Variants in ARID1B observed in about 807,000 individuals in gnomAD.
ARID1B encodes the protein AT-rich interactive domain-containing protein 1B.
In ARID1B, 30 loss-of-function variants were observed where a neutral mutation model predicts 212.3. That is an observed-to-expected ratio of 0.14 (90% CI 0.11 to 0.19). The LOEUF (loss-of-function observed/expected upper bound fraction) is 0.19, where lower values mean the gene tolerates loss of function less well. Among genes scored for constraint, ARID1B ranks in the 10% least tolerant of loss-of-function variants. The pLI is 1.00. For missense variants in ARID1B, 2,891 were observed against 3,204.0 expected (o/e 0.90, Z 2.36); for synonymous variants, 1,402 against 1,301.7 (o/e 1.08, Z -1.66).
intron 4 of ARID1B, among the ~76,000 whole-genome samples, chr6:157,050,018 A>C (rs1245440238): frequency 6.6e-6 from 1 of 152,178 alleles, no homozygotes; most frequent in African/African-American, 2.4e-5. Flanking sequence ...TCCAAGGAGT[A>C]AGGGACCCCT....
At position 157,148,829 on chromosome 6, in the gene ARID1B, T is replaced by C; in HGVS notation, c.2967T>C (p.Ser989=). ...FPGNMSSMTP[S]SPGMSQQGGP... is the part of the protein sequence containing the mutation. ...GAAATATGAGCAGCATGACCCCCAG[T>C]TCTCCTGGCATGTCTCAGCAGGGAG... Residue 989 remains serine (S), a synonymous_variant, in exon 8 of 20, where the codon AGT becomes AGC. Coordinates refer to ENST00000636930, the MANE Select transcript of ARID1B (RefSeq NM_001374828.1). The surrounding 1 kb of genome is among the most constrained non-coding windows in gnomAD (Gnocchi z 5.6). The C allele has an allele frequency of 6.2e-7, 1 of 1,612,996 alleles. No individual in the cohort carries two copies. Among genetic ancestry groups the C allele is most frequent in the Non-Finnish European group, 8.5e-7 (1 of 1,179,910 alleles).
At chr6:157,017,899 A>G (rs1779998287) in intron 4 of ARID1B, among the ~76,000 whole-genome samples, 1 of 151,090 alleles carries the variant, frequency 6.6e-6, no homozygotes, top group Non-Finnish European at 1.5e-5. Flanking sequence ...GCTGAGGCAG[A>G]CAGAAGGATT....
intron 3 of ARID1B, among the ~76,000 whole-genome samples, chr6:156,933,242 A>T (rs980092806): frequency 2.2e-5 from 3 of 138,000 alleles, no homozygotes; most frequent in African/African-American, 7.8e-5. Context: ...AGTTTACTTT[A>T]AAAAAAAAAA....
In ARID1B at chr6:157,046,196, T is replaced by C. The variant is rs74651332; in HGVS notation, c.2248-38466T>C. ...GGTTTAATTATCTTTTGAAGGGATA[T>C]TTTAGCTTTTTTTCCAATTTTGTCT... On this transcript the variant is annotated intron_variant, in intron 4 of 19. Coordinates refer to ENST00000636930, the MANE Select transcript of ARID1B (RefSeq NM_001374828.1). Among the ~76,000 whole-genome samples the C allele has an allele frequency of 8.7e-3, 1,327 of 152,332 alleles. 25 individuals carry two copies. Among genetic ancestry groups the C allele is most frequent in the African/African-American group, 0.031 (1,281 of 41,566 alleles).
At chr6:156,941,270 A>G (rs967406552) in intron 4 of ARID1B, 1 of 152,218 alleles carries the variant, frequency 6.6e-6, no homozygotes, top group African/African-American at 2.4e-5. Context: ...AGGGAGGAAG[A>G]GGAGGTTCTC....
At chr6:156,883,172 G>C (rs1248570141) in intron 2 of ARID1B, among the ~76,000 whole-genome samples, 1 of 152,172 alleles carries the variant, frequency 6.6e-6, no homozygotes, top group African/African-American at 2.4e-5. Context: ...AATCTTCCTC[G>C]TCAGCTTGCA....
In ARID1B at chr6:156,778,653, G is replaced by C. The variant is rs1294837845; in HGVS notation, c.973G>C (p.Gly325Arg). 2 of 1,480,318 alleles carry C rather than the reference G, an allele frequency of 1.4e-6. No homozygotes were observed. The highest frequency in any genetic ancestry group is 1.8e-6 in the Non-Finnish European group (2 of 1,112,750). 91.7% of individuals were successfully genotyped at this position (1,480,318 alleles called of 1,614,324 possible). Residue 325 changes from glycine to arginine, a missense_variant, in exon 1 of 20, where the codon GGC (glycine) becomes CGC (arginine). Transcript: ENST00000636930. ...CTATGGCAGCGCTGCCCCTGCGAGC[G>C]GCGGCCCCGGCGGCCGCGCTGGGCC... ...NYYGSAAPAS[G>R]GPGGRAGPCF...
At chr6:156,790,816 G>C (rs1027854372) in intron 1 of ARID1B, among the ~76,000 whole-genome samples, 1 of 152,254 alleles carries the variant, frequency 6.6e-6, no homozygotes. Context: ...GCAAGACTCT[G>C]TCCTTCCTCC....
At chr6:156,811,929 A>G (rs1387628675) in intron 1 of ARID1B, among the ~76,000 whole-genome samples, 3 of 152,190 alleles carry the variant, frequency 2.0e-5, no homozygotes, top group Non-Finnish European at 4.4e-5. Flanking sequence ...CTTATATTAT[A>G]ATATGACCTT....
intron 8 of ARID1B, among the ~76,000 whole-genome samples, chr6:157,156,843 C>T (rs978970090): frequency 2.6e-5 from 4 of 152,120 alleles, no homozygotes; most frequent in East Asian, 1.9e-4. Flanking sequence ...ATGCTCCGGA[C>T]GCTTCCTCCT....
intron 4 of ARID1B, among the ~76,000 whole-genome samples, chr6:157,060,630 CTTTTTTTTTTTTTT>C (rs56870548): frequency 1.4e-5 from 1 of 72,044 alleles, no homozygotes. Flanking sequence ...AAAATCTGAA[CTTTTTTTTTTTTTT>C]TTTTTTTTTT....
At position 156,935,649 on chromosome 6, in the gene ARID1B, G is replaced by A. The variant is rs902743689; in HGVS notation, c.2247+73G>A. 5.2e-5 allele frequency: 69 copies of A among 1,321,010 alleles called. No homozygotes were observed. The African/African-American group carries it at 9.2e-4, about 18-fold the overall frequency. The allele number at this position is 1,321,010 out of a possible 1,614,324, so 81.8% of individuals were successfully genotyped here. On this transcript the variant is annotated intron_variant, in intron 4 of 19. Transcript: ENST00000636930. The stretch of plus-strand genomic sequence containing the variant: ...TTAGAAAGAGCTGTTGTTTTTGTTT[G>A]TTCTACTTTATATTATGACATGATT...
chr6:157,069,215 A>G (rs1783865882), intron 4 of ARID1B, among the ~76,000 whole-genome samples: 1 of 152,164 alleles, frequency 6.6e-6, no homozygotes, highest in Non-Finnish European at 1.5e-5. Flanking sequence ...AGCATAGGTT[A>G]GCTGTCACAA....
chr6:157,102,604 C>CT (rs35977420), intron 5 of ARID1B, among the ~76,000 whole-genome samples: 4,158 of 66,298 alleles, frequency 0.063, 725 homozygotes, highest in Non-Finnish European at 0.081. Context: ...CTGAGTGGTT[C>CT]TTTTTTTTTT....
intron 2 of ARID1B, among the ~76,000 whole-genome samples, chr6:156,862,992 C>T (rs1785440751): frequency 6.6e-6 from 1 of 152,180 alleles, no homozygotes; most frequent in African/African-American, 2.4e-5. Flanking sequence ...GAATATGGGC[C>T]TGCGCCTTAG....
intron 4 of ARID1B, among the ~76,000 whole-genome samples, chr6:156,987,731 A>G (rs555515173): frequency 2.6e-5 from 4 of 152,266 alleles, no homozygotes; most frequent in Admixed American, 6.5e-5. Flanking sequence ...AACTTAATAT[A>G]TTCTCATACT....
chr6:157,102,877 G>A (rs2128498649), intron 5 of ARID1B, among the ~76,000 whole-genome samples: 1 of 152,188 alleles, frequency 6.6e-6, no homozygotes, highest in East Asian at 1.9e-4. Context: ...GATTACAGGT[G>A]TGAGCCACTG....
chr6:156,935,357 G>A (rs1792110052), intron 3 of ARID1B, 109 bp from the exon 4 acceptor site: 2 of 905,534 alleles, frequency 2.2e-6, no homozygotes, highest in Admixed American at 4.2e-5. Flanking sequence ...TGGGATTACA[G>A]GCATGAGCCA....
chr6:156,934,958 ATAT>A lies in ARID1B; in HGVS notation c.2137-507_2137-505del, dbSNP rs1562494909. Among the ~76,000 whole-genome samples the A allele has an allele frequency of 1.9e-3, 151 of 78,302 alleles. 3 individuals are homozygous for A. Among genetic ancestry groups the A allele is most frequent in the Middle Eastern group, 7.6e-3 (1 of 132 alleles). 51.4% of individuals were successfully genotyped at this position (78,302 alleles called of 152,430 possible). A position where few individuals can be genotyped will look rare whatever the true frequency, so the allele number is the denominator to read the frequency against. ...TATATATATATATATATATATATAT[ATAT>A]AGTTTATATTTCTGCTGTTATTCAC... On this transcript the variant is annotated intron_variant, in intron 3 of 19. Transcript: ENST00000636930.
Sources: gnomAD v4.1 joint callset for allele counts (sites outside exome capture counted in the v4.1 genomes callset) on GRCh38, gnomAD v4.1.1 for gene constraint, Gnocchi (gnomAD v3.1) non-coding constraint, MANE v1.5 for transcripts, NCBI Gene and HGNC (gene_info 2026-07-23, HGNC 2026-07-21) for gene names.